The following RTN4 variants were observed in gnomAD, a reference collection of about 807,000 sequenced individuals.
RTN4 encodes the protein reticulon-4.
In RTN4, 32 loss-of-function variants were observed where a neutral mutation model predicts 90.4. The ratio of observed to expected loss-of-function variants is 0.35; its 90% CI spans 0.27 to 0.48. The LOEUF (loss-of-function observed/expected upper bound fraction) is 0.48. Ranked by LOEUF, RTN4 falls within the 20% of genes least tolerant of loss-of-function variation. RTN4 has a pLI of 0.99. For synonymous variants in RTN4, 629 were observed against 552.5 expected (o/e 1.14, Z -1.94); for missense variants, 1,706 against 1,430.2 (o/e 1.19, Z -3.11).
chr2:55,116,106 T>A (rs979709164), upstream of RTN4, among the ~76,000 whole-genome samples: 1 of 149,662 alleles, frequency 6.7e-6, no homozygotes, highest in Admixed American at 6.7e-5. Flanking sequence ...TTTTTTTTTT[T>A]TTTTTTGAGA....
chr2:55,072,293 G>A (rs538535125), intron 2 of RTN4, among the ~76,000 whole-genome samples: 3 of 151,610 alleles, frequency 2.0e-5, no homozygotes, highest in Non-Finnish European at 4.4e-5. Context: ...GCAGTGGCGC[G>A]ATCTCTGCTC....
chr2:55,067,155 C>G (rs1358642653), intron 2 of RTN4, among the ~76,000 whole-genome samples: 1 of 152,002 alleles, frequency 6.6e-6, no homozygotes, highest in Non-Finnish European at 1.5e-5. Context: ...GGGTTAATGT[C>G]CAGCTCTGTC....
chr2:55,095,457 T>A (rs116357054), intron 1 of RTN4, among the ~76,000 whole-genome samples: 4 of 152,232 alleles, frequency 2.6e-5, no homozygotes, highest in African/African-American at 9.6e-5. Context: ...TTTGTTATAA[T>A]TGATGAACCA....
intron 1 of RTN4, among the ~76,000 whole-genome samples, chr2:55,033,582 G>A (rs1403399545): frequency 6.6e-6 from 1 of 152,092 alleles, no homozygotes; most frequent in Non-Finnish European, 1.5e-5. Flanking sequence ...TAAGCACAGC[G>A]CTGACATGGT....
upstream of RTN4, among the ~76,000 whole-genome samples, chr2:55,117,010 G>T (rs554471244): frequency 2.0e-4 from 30 of 151,776 alleles, no homozygotes; most frequent in African/African-American, 7.0e-4. Flanking sequence ...AGTAGCTGGG[G>T]CTACATGTGT....
chr2:55,021,116 A>G (rs1681396079), intron 3 of RTN4, among the ~76,000 whole-genome samples: 1 of 152,194 alleles, frequency 6.6e-6, no homozygotes, highest in Non-Finnish European at 1.5e-5. Context: ...TTTTTTAAAA[A>G]CACACTTAAA....
At chr2:55,024,815 TA>T (rs1438869282) in intron 3 of RTN4, among the ~76,000 whole-genome samples, 29 of 152,144 alleles carry the variant, frequency 1.9e-4, no homozygotes, top group African/African-American at 7.0e-4. Flanking sequence ...AAATAGGTAC[TA>T]AAGCCAATTC....
At chr2:55,107,992 T>C (rs940607060) in intron 1 of RTN4, among the ~76,000 whole-genome samples, 1 of 151,952 alleles carries the variant, frequency 6.6e-6, no homozygotes, top group Admixed American at 6.6e-5. Flanking sequence ...TTGCTCTGTA[T>C]ATAGCCCAGG....
intron 1 of RTN4, among the ~76,000 whole-genome samples, chr2:55,043,024 A>G (rs890781225): frequency 1.3e-5 from 2 of 152,212 alleles, no homozygotes; most frequent in Admixed American, 6.5e-5. Flanking sequence ...AATAGCTTAA[A>G]TATGAAATTA....
At chr2:54,980,983 T>C (rs754454915) in intron 5 of RTN4, among the ~76,000 whole-genome samples, 6 of 152,240 alleles carry the variant, frequency 3.9e-5, no homozygotes, top group Non-Finnish European at 8.8e-5. Flanking sequence ...TGAAACTTAT[T>C]AACCAAGCAT....
intron 1 of RTN4, among the ~76,000 whole-genome samples, chr2:55,046,313 T>C (rs2104963672): frequency 6.6e-6 from 1 of 152,362 alleles, no homozygotes; most frequent in South Asian, 2.1e-4. Context: ...TAAACATTTT[T>C]ACCATTGCCT....
In RTN4 at chr2:54,972,968, T is replaced by C; in HGVS notation, c.*188A>G. 1 of 500,418 alleles carries C rather than the reference T, an allele frequency of 2.0e-6. No individual in the cohort carries two copies. Among genetic ancestry groups the C allele is most frequent in the Non-Finnish European group, 3.6e-6 (1 of 277,034 alleles). 31.0% of individuals were successfully genotyped at this position (500,418 alleles called of 1,614,324 possible). ...ACATAGCAGCTTACAATACTTAAGA[T>C]GATGAACACATGGCAGTCAAGACAG... On this transcript the variant is annotated 3_prime_UTR_variant, in exon 9 of 9. Transcript: ENST00000337526.
chr2:54,976,799 T>C (rs146283803), intron 5 of RTN4, among the ~76,000 whole-genome samples: 79 of 152,258 alleles, frequency 5.2e-4, no homozygotes, highest in Non-Finnish European at 9.7e-4. Flanking sequence ...AACAGGCTGC[T>C]CTCATTTTGG....
At chr2:55,072,149 AT>A (rs5831337) in intron 2 of RTN4, among the ~76,000 whole-genome samples, 26,981 of 148,600 alleles carry the variant, frequency 0.18, 3,551 homozygotes, top group African/African-American at 0.37. Flanking sequence ...GTTTTTAGTT[AT>A]TTTTTTTTTC....
chr2:55,119,080 A>G, the RTN4 span, among the ~76,000 whole-genome samples: 1 of 152,348 alleles, frequency 6.6e-6, no homozygotes, highest in African/African-American at 2.4e-5. Context: ...CAGCCTGGAA[A>G]AGAAATACAA....
chr2:55,019,118 A>G (rs552255309), intron 3 of RTN4, among the ~76,000 whole-genome samples: 1 of 152,322 alleles, frequency 6.6e-6, no homozygotes, highest in Admixed American at 6.5e-5. Context: ...AATAAAGTTC[A>G]GTAATGAATC....
chr2:55,092,347 T>C (rs748762676), intron 1 of RTN4, among the ~76,000 whole-genome samples: 1 of 151,850 alleles, frequency 6.6e-6, no homozygotes, highest in Admixed American at 6.6e-5. Flanking sequence ...GCAATTCTCC[T>C]GCCTCAGCCT....
At chr2:55,127,582 T>C in the RTN4 span, among the ~76,000 whole-genome samples, 33 of 152,314 alleles carry the variant, frequency 2.2e-4, no homozygotes, top group African/African-American at 7.2e-4. Flanking sequence ...GACTTTCCCA[T>C]TCATCACGTC....
upstream of RTN4, among the ~76,000 whole-genome samples, chr2:55,113,827 C>T (rs10496038): frequency 0.032 from 4,905 of 152,270 alleles, 122 homozygotes; most frequent in East Asian, 0.071. Flanking sequence ...AACCACCTGT[C>T]TAATAGTCTG....
Sources: gnomAD v4.1 joint callset for allele counts (sites outside exome capture counted in the v4.1 genomes callset) on GRCh38, gnomAD v4.1.1 for gene constraint, MANE v1.5 for transcripts, NCBI Gene and HGNC (gene_info 2026-07-23, HGNC 2026-07-21) for gene names.